DAB1: variants seen among roughly 807,000 people sequenced by gnomAD.
The protein encoded by DAB1 is DAB adaptor protein 1, also known as disabled homolog 1.
Under a neutral mutation model 64.6 loss-of-function variants are expected in DAB1, and 15 were observed. That is an observed-to-expected ratio of 0.23 (90% CI 0.16 to 0.36). The LOEUF (loss-of-function observed/expected upper bound fraction) is 0.36, where lower values mean the gene tolerates loss of function less well. Ranked by LOEUF, DAB1 falls within the 10% of genes least tolerant of loss-of-function variation. The pLI is 1.00. For missense variants in DAB1, 596 were observed against 706.7 expected (o/e 0.84, Z 1.78); for synonymous variants, 235 against 251.9 (o/e 0.93, Z 0.64).
intron 9 of DAB1, among the ~76,000 whole-genome samples, chr1:57,060,153 T>TTA: frequency 6.7e-6 from 1 of 149,912 alleles, no homozygotes; most frequent in East Asian, 2.0e-4. Context: ...TTATTTTATT[T>TTA]TATTTTATTT....
intron 3 of DAB1, among the ~76,000 whole-genome samples, chr1:58,443,368 A>T (rs1224638695): frequency 2.6e-5 from 4 of 152,290 alleles, no homozygotes; most frequent in Non-Finnish European, 5.9e-5. Flanking sequence ...AGGAAAAAAT[A>T]TCACCTATAA....
intron 5 of DAB1, among the ~76,000 whole-genome samples, chr1:57,919,330 C>G (rs867560399): frequency 6.6e-6 from 1 of 152,208 alleles, no homozygotes; most frequent in African/African-American, 2.4e-5. Flanking sequence ...AAGAAGCCAC[C>G]ATCCCTATCC....
chr1:57,419,355 C>T (rs1684727125), intron 1 of DAB1, among the ~76,000 whole-genome samples: 1 of 152,114 alleles, frequency 6.6e-6, no homozygotes, highest in Admixed American at 6.5e-5. Context: ...AAACACACCT[C>T]TAGAATTCAA....
intron 4 of DAB1, among the ~76,000 whole-genome samples, chr1:58,199,245 G>A (rs1182545133): frequency 6.6e-6 from 1 of 152,178 alleles, no homozygotes; most frequent in Admixed American, 6.5e-5. Context: ...TGTCTTGTAA[G>A]GTCCTGGCTG....
At chr1:57,186,356 G>A (rs1174751348) in intron 2 of DAB1, among the ~76,000 whole-genome samples, 3 of 152,100 alleles carry the variant, frequency 2.0e-5, no homozygotes, top group African/African-American at 2.4e-5. Context: ...ATCCCCAATC[G>A]ATCAGTGTGA....
intron 3 of DAB1, among the ~76,000 whole-genome samples, chr1:58,442,415 G>C (rs1412305407): frequency 2.0e-5 from 3 of 151,342 alleles, no homozygotes; most frequent in Non-Finnish European, 4.4e-5. Flanking sequence ...GTGAGAGATT[G>C]AAATCTACAT....
chr1:57,517,269 C>G (rs1169337122), intron 7 of DAB1, among the ~76,000 whole-genome samples: 2 of 152,160 alleles, frequency 1.3e-5, no homozygotes, highest in Non-Finnish European at 2.9e-5. Flanking sequence ...TCAAACAATC[C>G]TCCTTTCTCA....
intron 4 of DAB1, among the ~76,000 whole-genome samples, chr1:58,163,353 G>A (rs1655647258): frequency 6.6e-6 from 1 of 152,200 alleles, no homozygotes; most frequent in African/African-American, 2.4e-5. Context: ...GAAAGACTCA[G>A]TAGCCAGGAG....
At chr1:57,144,230 T>A (rs1658886342) in intron 3 of DAB1, among the ~76,000 whole-genome samples, 2 of 152,032 alleles carry the variant, frequency 1.3e-5, no homozygotes, top group African/African-American at 4.8e-5. Flanking sequence ...AAATAATATA[T>A]GTTTGAAATA....
intron 6 of DAB1, among the ~76,000 whole-genome samples, chr1:57,694,764 A>G (rs1426175112): frequency 1.3e-5 from 2 of 152,120 alleles, no homozygotes; most frequent in African/African-American, 4.8e-5. Flanking sequence ...CCCATTATCC[A>G]TCTTCAACAG....
At chr1:57,031,900 C>G (rs1254342600) in intron 9 of DAB1, among the ~76,000 whole-genome samples, 1 of 152,130 alleles carries the variant, frequency 6.6e-6, no homozygotes, top group Non-Finnish European at 1.5e-5. Context: ...TTTTTAGCCC[C>G]CTGGGCATTT....
intron 5 of DAB1, among the ~76,000 whole-genome samples, chr1:58,106,902 CTCCTTCCTTCCTCCTCCTT>C (rs1651680411): frequency 6.8e-6 from 1 of 146,800 alleles, no homozygotes; most frequent in African/African-American, 2.5e-5. Context: ...TCCTCTCTCC[CTCCTTCCTTCCTCCTCCTT>C]TCCTTCCTTC....
At chr1:57,116,201 A>T (rs1427984107) in intron 4 of DAB1, among the ~76,000 whole-genome samples, 1 of 151,318 alleles carries the variant, frequency 6.6e-6, no homozygotes, top group East Asian at 2.0e-4. Flanking sequence ...GTGGTGGCTC[A>T]CCCTGTAATC....
intron 4 of DAB1, among the ~76,000 whole-genome samples, chr1:58,268,653 T>C (rs1227955226): frequency 1.3e-5 from 2 of 152,216 alleles, no homozygotes; most frequent in East Asian, 1.9e-4. Flanking sequence ...TCCATGTTCA[T>C]AGACTGGAAG....
intron 4 of DAB1, among the ~76,000 whole-genome samples, chr1:58,209,096 A>G (rs1557696434): frequency 1.3e-5 from 2 of 152,170 alleles, no homozygotes; most frequent in African/African-American, 2.4e-5. Context: ...TCTTCACTGA[A>G]CAGCTTAGAC....
At chr1:57,531,160 G>T (rs573272369) in intron 7 of DAB1, among the ~76,000 whole-genome samples, 3 of 152,214 alleles carry the variant, frequency 2.0e-5, no homozygotes, top group East Asian at 1.9e-4. Context: ...GAAAATGGCC[G>T]GTTCCTGCCT....
At position 57,207,372 on chromosome 1, in the gene DAB1, G is replaced by C. The variant is rs1286393399; in HGVS notation, c.68-61943C>G. 2.0e-5 allele frequency among the ~76,000 whole-genome samples: 3 copies of C among 150,818 alleles called. 1 individual carries two copies. Among genetic ancestry groups the C allele is most frequent in the African/African-American group, 7.3e-5 (3 of 40,980 alleles). ...CAGTTCATGAGTTCCCCTAAAGAAA[G>C]AGCAGAAAATACTTTCATGTTCATT... On this transcript the variant is annotated intron_variant, in intron 2 of 14. Coordinates refer to ENST00000371236, the MANE Select transcript of DAB1 (RefSeq NM_001365792.1).
At chr1:57,583,937 C>T (rs1479763123) in intron 7 of DAB1, among the ~76,000 whole-genome samples, 1 of 152,172 alleles carries the variant, frequency 6.6e-6, no homozygotes, top group East Asian at 1.9e-4. Flanking sequence ...TTCTCTAGAT[C>T]TGCTATAGAA....
intron 7 of DAB1, among the ~76,000 whole-genome samples, chr1:57,522,404 T>C (rs1644538743): frequency 6.6e-6 from 1 of 151,886 alleles, no homozygotes; most frequent in Non-Finnish European, 1.5e-5. Flanking sequence ...AATAGAAGAG[T>C]TAAGTGAAAT....
Sources: allele counts gnomAD v4.1 joint callset (sites outside exome capture counted in the v4.1 genomes callset), GRCh38; gene constraint gnomAD v4.1.1; transcripts MANE v1.5; gene names NCBI Gene and HGNC (gene_info 2026-07-23, HGNC 2026-07-21).